Variants in WHRN observed in about 807,000 individuals in gnomAD.
WHRN encodes CASK-interacting protein CIP98.
Under a neutral mutation model 68.3 loss-of-function variants are expected in WHRN, and 41 were observed. The ratio of observed to expected loss-of-function variants is 0.60; its 90% CI spans 0.47 to 0.78. WHRN has a LOEUF of 0.78. Ranked by LOEUF, WHRN falls within the 30% of genes least tolerant of loss-of-function variation. The pLI is 0.00. For synonymous variants in WHRN, 560 were observed against 561.3 expected, an observed-to-expected ratio of 1.00 and a Z score of 0.03; for missense variants, 1,243 against 1,244.7, an observed-to-expected ratio of 1.00 and a Z score of 0.02.
intron 2 of WHRN, among the ~76,000 whole-genome samples, chr9:114,469,573 G>A (rs1320990253): frequency 1.3e-5 from 2 of 152,126 alleles, no homozygotes; most frequent in Non-Finnish European, 2.9e-5. Flanking sequence ...GTGGGTAAAA[G>A]CCAGCCCCAG....
At chr9:114,456,336 T>C (rs1030502465) in intron 3 of WHRN, among the ~76,000 whole-genome samples, 2 of 152,086 alleles carry the variant, frequency 1.3e-5, no homozygotes, top group Non-Finnish European at 1.5e-5. Context: ...GAAGACAGAA[T>C]GCAGACTGAG....
chr9:114,456,940 T>A (rs1371872301), intron 3 of WHRN, among the ~76,000 whole-genome samples: 1 of 152,116 alleles, frequency 6.6e-6, no homozygotes, highest in African/African-American at 2.4e-5. Context: ...GAAAAAGCTA[T>A]AAGTAAGGAA....
At chr9:114,444,035 C>G (rs376546877) in intron 3 of WHRN, among the ~76,000 whole-genome samples, 2 of 152,206 alleles carry the variant, frequency 1.3e-5, no homozygotes, top group East Asian at 1.9e-4. Context: ...CCCCCCACCA[C>G]CCGGTTCAAT....
Position 114,426,275 on chromosome 9 carries a change from T to C in WHRN, c.1102A>G (p.Thr368Ala). 6.2e-7 allele frequency: 1 copy of C among 1,613,232 alleles called. No individual in the cohort carries two copies. Among genetic ancestry groups the C allele is most frequent in the Non-Finnish European group, 8.5e-7 (1 of 1,180,036 alleles). Residue 368 changes from threonine (T) to alanine (A), a missense_variant, in exon 4 of 12, where the codon ACT becomes GCT. Thr to Ala is a moderately conservative substitution (Grantham distance 58, BLOSUM62 0). Coordinates refer to ENST00000362057, the MANE Select transcript of WHRN (RefSeq NM_015404.4). ...DVGRLPHARTTVDETKWIASS... is the reference protein window; with the variant it reads ...DVGRLPHARTAVDETKWIASS... ...GCGATCCACTTGGTCTCGTCCACAG[T>C]GGTGCGGGCATGGGGCAGCCTCCCG... is the stretch of plus-strand genomic sequence containing the variant.
intron 3 of WHRN, among the ~76,000 whole-genome samples, chr9:114,434,273 C>A (rs964623376): frequency 6.6e-6 from 1 of 152,152 alleles, no homozygotes; most frequent in African/African-American, 2.4e-5. Flanking sequence ...AAGCTACTTG[C>A]CCAAGGACAC....
chr9:114,444,466 TA>T (rs968935955), intron 3 of WHRN, among the ~76,000 whole-genome samples: 11 of 151,626 alleles, frequency 7.3e-5, no homozygotes, highest in African/African-American at 2.2e-4. Context: ...CAATTAAACT[TA>T]AAAAAAATTA....
chr9:114,426,163 A>G (rs1400079727), intron 4 of WHRN, 48 bp downstream of exon 4: 1 of 1,610,698 alleles, frequency 6.2e-7, no homozygotes, highest in East Asian at 2.2e-5. Context: ...ACTGGCTTTC[A>G]GAAATGGCCC....
chr9:114,445,350 T>A (rs886945506), intron 3 of WHRN, among the ~76,000 whole-genome samples: 7 of 152,198 alleles, frequency 4.6e-5, no homozygotes, highest in Non-Finnish European at 1.0e-4. Context: ...GCTCTAATAT[T>A]ATCTTAATAT....
chr9:114,490,135 G>A (rs936520397), intron 1 of WHRN, among the ~76,000 whole-genome samples: 4 of 152,152 alleles, frequency 2.6e-5, no homozygotes, highest in Admixed American at 1.3e-4. Flanking sequence ...CGGCCACCTC[G>A]CTTCCTTGCG....
At chr9:114,408,950 C>T (rs898063172) in intron 7 of WHRN, among the ~76,000 whole-genome samples, 3 of 152,190 alleles carry the variant, frequency 2.0e-5, no homozygotes, top group Non-Finnish European at 4.4e-5. Flanking sequence ...GCTGAGACAT[C>T]CATCTCCTCC....
At chr9:114,407,175 A>G (rs1433363297) in intron 8 of WHRN, among the ~76,000 whole-genome samples, 1 of 152,254 alleles carries the variant, frequency 6.6e-6, no homozygotes, top group East Asian at 1.9e-4. Context: ...CACAGGGAAC[A>G]AGACTTCATT....
chr9:114,418,692 AGCT>A (rs531864208), intron 7 of WHRN, among the ~76,000 whole-genome samples: 4 of 152,344 alleles, frequency 2.6e-5, no homozygotes, highest in African/African-American at 9.6e-5. Context: ...TTGCACATGC[AGCT>A]GCTTCTGTTG....
At position 114,467,403 on chromosome 9, in the gene WHRN, G is replaced by A. The variant is rs148078223; in HGVS notation, c.838-1011C>T. Among the ~76,000 whole-genome samples, 37 of 152,136 alleles carry A rather than the reference G, an allele frequency of 2.4e-4. No homozygotes were observed. The East Asian group carries it at 6.2e-3, about 25-fold the overall frequency. On this transcript the variant is annotated intron_variant, in intron 2 of 11. Transcript: ENST00000362057. ...TGAGCAGCGCGTGACAAAGTGGCTC[G>A]AGGGCCACATGGGTACAGAGAAGGG...
chr9:114,446,951 C>T (rs56349956), intron 3 of WHRN, among the ~76,000 whole-genome samples: 67,562 of 150,744 alleles, frequency 0.45, 15,655 homozygotes, highest in Non-Finnish European at 0.48. Flanking sequence ...CCTCTCAGCC[C>T]GCCTGTCCGT....
intron 2 of WHRN, 194 bp downstream of exon 2, chr9:114,478,357 CTG>C: frequency 2.8e-6 from 2 of 723,988 alleles, no homozygotes; most frequent in Non-Finnish European, 5.1e-6. Flanking sequence ...GCAGCTTAGC[CTG>C]TATTATAACA....
intron 7 of WHRN, among the ~76,000 whole-genome samples, chr9:114,418,727 T>C (rs1009333879): frequency 6.6e-6 from 1 of 152,220 alleles, no homozygotes; most frequent in Non-Finnish European, 1.5e-5. Flanking sequence ...CTCCCAGATG[T>C]TGGCATGGCT....
At chr9:114,498,651 A>G (rs1843666859) in intron 1 of WHRN, among the ~76,000 whole-genome samples, 1 of 152,184 alleles carries the variant, frequency 6.6e-6, no homozygotes, top group Non-Finnish European at 1.5e-5. Context: ...GGTGGTTCTT[A>G]AAAGGCCCTC....
chr9:114,431,044 T>C (rs1040971487), intron 3 of WHRN, among the ~76,000 whole-genome samples: 20 of 152,198 alleles, frequency 1.3e-4, no homozygotes, highest in African/African-American at 4.8e-4. Flanking sequence ...CACTGTGATG[T>C]AGAGTCCACA....
intron 2 of WHRN, among the ~76,000 whole-genome samples, chr9:114,466,755 T>A (rs533162304): frequency 2.0e-3 from 300 of 152,234 alleles, no homozygotes; most frequent in African/African-American, 6.7e-3. Context: ...GAGGCTTCAG[T>A]CGGGGGGTGA....
Sources: gnomAD v4.1 joint callset for allele counts (sites outside exome capture counted in the v4.1 genomes callset) on GRCh38, gnomAD v4.1.1 for gene constraint, MANE v1.5 for transcripts, NCBI Gene and HGNC (gene_info 2026-07-23, HGNC 2026-07-21) for gene names.